IFT74: variants seen among roughly 807,000 people sequenced by gnomAD.
IFT74 encodes intraflagellar transport protein 74 homolog.
IFT74 carries 92 observed loss-of-function variants against 96.7 expected under a neutral mutation model. The observed-to-expected ratio is 0.95, with a 90% CI of 0.80 to 1.13. IFT74 has a LOEUF of 1.13. Among genes scored for constraint, IFT74 ranks in the 50% most tolerant of loss-of-function variants. The pLI is 0.00. For missense variants in IFT74, 811 were observed against 698.2 expected (o/e 1.16, Z -1.82); for synonymous variants, 223 against 213.2 (o/e 1.05, Z -0.40).
intron 4 of IFT74, among the ~76,000 whole-genome samples, chr9:26,983,560 G>A (rs1326459387): frequency 6.6e-6 from 1 of 152,102 alleles, no homozygotes. Context: ...GCTAATCACT[G>A]ACCCAAAATG....
At chr9:27,044,657 TAGAG>T in intron 13 of IFT74, 81 bp from the exon 14 acceptor site, 1 of 760,590 alleles carries the variant, frequency 1.3e-6, no homozygotes, top group Non-Finnish European at 2.3e-6. Context: ...ACTAATGGCA[TAGAG>T]AGAACCAAAG....
intron 13 of IFT74, among the ~76,000 whole-genome samples, chr9:27,035,252 A>G (rs1352523291): frequency 6.6e-6 from 1 of 152,196 alleles, no homozygotes; most frequent in Admixed American, 6.5e-5. Flanking sequence ...TCCCGTCAGT[A>G]TTTCCTTCAG....
rs541522511 is a variant in IFT74, at chr9:27,011,135, C to T, written c.727-771C>T. On this transcript the variant is annotated intron_variant, in intron 9 of 19. Coordinates refer to ENST00000380062, the MANE Select transcript of IFT74 (RefSeq NM_025103.4). The stretch of plus-strand genomic sequence containing the variant: ...AGGCATGGTAGCAGGCCCCTGTAAT[C>T]CCAGCTACTCGGGAGGCTGAGGCAG... Among the ~76,000 whole-genome samples the T allele has an allele frequency of 4.7e-4, 72 of 152,276 alleles. 1 individual carries two copies. Among genetic ancestry groups the T allele is most frequent in the Middle Eastern group, 3.4e-3 (1 of 294 alleles).
chr9:27,044,817 A>G, intron 14 of IFT74, 22 bp downstream of exon 14: 1 of 1,346,028 alleles, frequency 7.4e-7, no homozygotes, highest in African/African-American at 1.5e-5. Flanking sequence ...TCTTGTAGAT[A>G]TAAAAATATA....
In IFT74 at chr9:26,984,151, A is replaced by G. The variant is rs906522330; in HGVS notation, c.306-106A>G. ...CTGCATTCTTTTAGTGAATTTCACA[A>G]AACTATTTATATTATTATTACGTAT... On this transcript the variant is annotated intron_variant, in intron 4 of 19. Transcript: ENST00000380062. The G allele has an allele frequency of 2.5e-5, 22 of 879,244 alleles. No homozygotes were observed. In the Middle Eastern group the frequency reaches 1.1e-3, roughly 45 times the overall value. The allele number at this position is 879,244 out of a possible 1,614,324, so 54.5% of individuals were successfully genotyped here. A position where few individuals can be genotyped will look rare whatever the true frequency, so the allele number is the denominator to read the frequency against.
intron 13 of IFT74, among the ~76,000 whole-genome samples, chr9:27,040,940 A>G (rs1235347473): frequency 1.3e-5 from 2 of 152,158 alleles, no homozygotes; most frequent in Non-Finnish European, 2.9e-5. Flanking sequence ...CTTCCCTTGC[A>G]GTGAGGACAG....
At chr9:26,997,741 T>C in intron 8 of IFT74, 1 of 1,601,928 alleles carries the variant, frequency 6.2e-7, no homozygotes, top group South Asian at 1.1e-5. Flanking sequence ...ATGTCACATT[T>C]GATGTGTTCA....
intron 8 of IFT74, among the ~76,000 whole-genome samples, chr9:27,006,354 T>C (rs1012648393): frequency 6.6e-6 from 1 of 152,088 alleles, no homozygotes; most frequent in African/African-American, 2.4e-5. Flanking sequence ...TCCCAGCACT[T>C]TGAGAAGCTA....
chr9:27,031,997 C>T (rs997298938), intron 13 of IFT74, among the ~76,000 whole-genome samples: 1 of 152,006 alleles, frequency 6.6e-6, no homozygotes, highest in Non-Finnish European at 1.5e-5. Context: ...CAGGTGTGAG[C>T]CACTGTGCCT....
chr9:26,998,063 A>G, intron 8 of IFT74: 1 of 1,613,556 alleles, frequency 6.2e-7, no homozygotes. Flanking sequence ...ATTATGTAAG[A>G]TAGTAACCTT....
chr9:27,060,655 T>C lies in IFT74; in HGVS notation c.1684+4T>C. ...AATAATTTTGCGATGAAAGAATGTA[T>C]CCTTTAAAAAGCTGAAAATGGGGCC... On this transcript the variant is annotated splice_donor_region_variant and intron_variant, in intron 19 of 19. Coordinates refer to ENST00000380062, the MANE Select transcript of IFT74 (RefSeq NM_025103.4). 6.3e-7 allele frequency: 1 copy of C among 1,598,952 alleles called. No individual in the cohort carries two copies. The highest frequency in any genetic ancestry group is 8.5e-7 in the Non-Finnish European group (1 of 1,170,296).
At chr9:27,005,359 C>CCCCA in intron 8 of IFT74, among the ~76,000 whole-genome samples, 1 of 48,072 alleles carries the variant, frequency 2.1e-5, no homozygotes, top group East Asian at 9.5e-4. Context: ...ATTTCCCCCC[C>CCCCA]CGCCCCCCGC....
rs977036923 is a variant in IFT74, at chr9:27,029,030, C to A, written c.980C>A (p.Thr327Lys). ...ATTAAAAATATTTTCAACAGGTTAA[C>A]AGATACAAAAGAAAAGATAAATCAG... is the stretch of plus-strand genomic sequence containing the variant. Reference protein sequence around the residue: ...QEIASMERQLTDTKEKINQFI... With the variant: ...QEIASMERQLKDTKEKINQFI... The change falls in exon 13 of 20, where the codon ACA becomes AAA. Residue 327 changes from threonine (T) to lysine (K), a missense_variant. Coordinates refer to ENST00000380062, the MANE Select transcript of IFT74 (RefSeq NM_025103.4). 1.7e-5 allele frequency: 27 copies of A among 1,590,864 alleles called. No individual in the cohort carries two copies. Among genetic ancestry groups the A allele is most frequent in the Non-Finnish European group, 2.1e-5 (24 of 1,166,366 alleles).
At chr9:27,009,316 A>G (rs1358891502) in intron 9 of IFT74, among the ~76,000 whole-genome samples, 158 bp downstream of exon 9, 4 of 152,184 alleles carry the variant, frequency 2.6e-5, no homozygotes, top group African/African-American at 9.7e-5. Context: ...ACGTATATTC[A>G]CATTTCAGAA....
intron 1 of IFT74, among the ~76,000 whole-genome samples, chr9:26,950,069 T>G (rs1427581054): frequency 1.3e-5 from 2 of 152,124 alleles, no homozygotes; most frequent in Admixed American, 1.3e-4. Context: ...TCCCAGCACT[T>G]TGGGAGGCCA....
At chr9:27,036,452 C>A in intron 13 of IFT74, 1 of 1,613,530 alleles carries the variant, frequency 6.2e-7, no homozygotes, top group East Asian at 2.2e-5. Flanking sequence ...ATCTGCAGAT[C>A]CTACCAACTA....
At chr9:27,016,773 C>G in intron 10 of IFT74, 134 bp from the exon 11 acceptor site, 1 of 584,386 alleles carries the variant, frequency 1.7e-6, no homozygotes, top group Non-Finnish European at 2.9e-6. Context: ...TTATTGAGTA[C>G]TAATGATATT....
intron 2 of IFT74, among the ~76,000 whole-genome samples, chr9:26,967,430 T>C (rs1826675649): frequency 6.6e-6 from 1 of 152,210 alleles, no homozygotes; most frequent in Non-Finnish European, 1.5e-5. Flanking sequence ...TTGATTTTTG[T>C]ATCCTGCAAT....
intron 4 of IFT74, among the ~76,000 whole-genome samples, chr9:26,981,314 A>G (rs2131532728): frequency 6.7e-6 from 1 of 148,872 alleles, no homozygotes; most frequent in African/African-American, 2.5e-5. Context: ...TGGCATGATC[A>G]CAGCTCACTG....
Sources: gnomAD v4.1 joint callset for allele counts (sites outside exome capture counted in the v4.1 genomes callset) on GRCh38, gnomAD v4.1.1 for gene constraint, MANE v1.5 for transcripts, NCBI Gene and HGNC (gene_info 2026-07-23, HGNC 2026-07-21) for gene names.